ASPRV1: variants seen among roughly 807,000 people sequenced by gnomAD.
ASPRV1 encodes the protein aspartic peptidase retroviral like 1.
ASPRV1 carries 7 observed loss-of-function variants against 11.0 expected under a neutral mutation model. The ratio of observed to expected loss-of-function variants is 0.64; its 90% confidence interval spans 0.36 to 1.20. The LOEUF (loss-of-function observed/expected upper bound fraction) is 1.20, where lower values mean the gene tolerates loss of function less well. Among genes scored for constraint, ASPRV1 ranks in the 50% most tolerant of loss-of-function variants. The probability of loss-of-function intolerance (pLI) is 0.02; values close to 1 mark genes in which losing one functional copy is unlikely to be tolerated. For synonymous variants in ASPRV1, 136 were observed against 138.4 expected (o/e 0.98, Z 0.12); for missense variants, 299 against 320.0 (o/e 0.93, Z 0.50).
the ASPRV1 span, among the ~76,000 whole-genome samples, chr2:70,021,504 G>C: frequency 2.6e-4 from 39 of 151,432 alleles, no homozygotes; most frequent in Middle Eastern, 3.4e-3. Flanking sequence ...ATTTTTGGTA[G>C]AGACGGGGCT....
At chr2:70,038,417 G>C in the ASPRV1 span, among the ~76,000 whole-genome samples, 2 of 151,926 alleles carry the variant, frequency 1.3e-5, no homozygotes, top group Non-Finnish European at 2.9e-5. Flanking sequence ...GTCACTAAAA[G>C]ACAAAAAAAA....
the ASPRV1 span, chr2:69,988,648 T>C: frequency 5.0e-6 from 2 of 401,130 alleles, no homozygotes; most frequent in Middle Eastern, 1.5e-3. Flanking sequence ...TGTCACTGAA[T>C]TGTACACTCA....
the ASPRV1 span, among the ~76,000 whole-genome samples, chr2:70,039,064 A>G: frequency 1.3e-5 from 2 of 151,208 alleles, no homozygotes; most frequent in African/African-American, 2.4e-5. Context: ...GGGCAACGAA[A>G]GCAAAACTCC....
chr2:70,020,971 G>A, the ASPRV1 span, among the ~76,000 whole-genome samples: 5 of 152,128 alleles, frequency 3.3e-5, no homozygotes, highest in South Asian at 2.1e-4. Context: ...CAATACTACT[G>A]AACAGTATAC....
chr2:69,961,166 G>A lies in ASPRV1; in HGVS notation c.271C>T (p.Pro91Ser). 6.2e-7 allele frequency: 1 copy of A among 1,613,792 alleles called. No homozygotes were observed. The change falls in exon 1 of 1, where the codon CCT becomes TCT. Residue 91 changes from proline (P) to serine (S), a missense_variant. By Grantham distance (74) the Pro-to-Ser change is moderately conservative. Transcript: ENST00000320256. Reference sequence around the variant, plus strand: ...GGCAGGTGGCTGGGGGCAGCCCCAGGGACCCCAAAGGCCTTCAGGAGGGCC... The same window carrying A: ...GGCAGGTGGCTGGGGGCAGCCCCAGAGACCCCAAAGGCCTTCAGGAGGGCC... ...KEALLKAFGV[P>S]GAAPSHLPKE...
chr2:70,048,626 A>C, the ASPRV1 span: 1 of 152,386 alleles, frequency 6.6e-6, no homozygotes, highest in African/African-American at 2.4e-5. Flanking sequence ...TCTGAAAATG[A>C]AGATGGTAAG....
chr2:69,996,918 T>A, the ASPRV1 span: 1 of 311,786 alleles, frequency 3.2e-6, no homozygotes, highest in Non-Finnish European at 6.4e-6. Flanking sequence ...CCCAAAGTTA[T>A]TATTCATCTT....
chr2:70,033,315 A>G, the ASPRV1 span, among the ~76,000 whole-genome samples: 1 of 150,980 alleles, frequency 6.6e-6, no homozygotes, highest in Admixed American at 6.6e-5. Context: ...ACACACACAC[A>G]TATATGCACT....
the ASPRV1 span, among the ~76,000 whole-genome samples, chr2:69,936,226 T>C: frequency 2.6e-5 from 4 of 152,132 alleles, no homozygotes; most frequent in Non-Finnish European, 4.4e-5. Context: ...CTCCTTCCTG[T>C]GACAGGTGGT....
chr2:70,025,819 G>T, the ASPRV1 span, among the ~76,000 whole-genome samples: 1 of 152,176 alleles, frequency 6.6e-6, no homozygotes. Flanking sequence ...CATACCAAAG[G>T]CCAGGACACT....
At chr2:69,968,108 C>T in the ASPRV1 span, among the ~76,000 whole-genome samples, 1 of 151,704 alleles carries the variant, frequency 6.6e-6, no homozygotes, top group African/African-American at 2.4e-5. Context: ...AAAATAATTT[C>T]CAAATAAAGT....
the ASPRV1 span, among the ~76,000 whole-genome samples, chr2:69,932,923 G>A: frequency 6.6e-6 from 1 of 152,078 alleles, no homozygotes; most frequent in African/African-American, 2.4e-5. Flanking sequence ...CTTCTAATTG[G>A]AAAATTAGCT....
the ASPRV1 span, among the ~76,000 whole-genome samples, chr2:69,952,557 GAAAAGAAAAGAA>G: frequency 7.2e-6 from 1 of 138,794 alleles, no homozygotes; most frequent in African/African-American, 2.7e-5. Context: ...GGGAAAGGAA[GAAAAGAAAAGAA>G]AAAAGAAAAG....
the ASPRV1 span, among the ~76,000 whole-genome samples, chr2:70,079,930 G>T: frequency 2.0e-4 from 31 of 152,278 alleles, no homozygotes; most frequent in South Asian, 2.7e-3. Context: ...ATTACACAGT[G>T]AATAATGTTG....
the ASPRV1 span, among the ~76,000 whole-genome samples, chr2:70,002,083 T>C: frequency 2.0e-5 from 3 of 152,166 alleles, no homozygotes; most frequent in Admixed American, 1.3e-4. Context: ...AATATTAGCA[T>C]GATTTTTAAT....
At chr2:70,054,665 G>A in the ASPRV1 span, among the ~76,000 whole-genome samples, 1 of 152,126 alleles carries the variant, frequency 6.6e-6, no homozygotes, top group Non-Finnish European at 1.5e-5. Context: ...AGAGATGCTG[G>A]TAAAACAAAT....
the ASPRV1 span, among the ~76,000 whole-genome samples, chr2:70,018,555 T>C: frequency 6.6e-6 from 1 of 152,100 alleles, no homozygotes; most frequent in Non-Finnish European, 1.5e-5. Flanking sequence ...CAAAACAGCA[T>C]GGTACCACCA....
At chr2:69,982,284 T>A in the ASPRV1 span, among the ~76,000 whole-genome samples, 8 of 139,786 alleles carry the variant, frequency 5.7e-5, no homozygotes, top group East Asian at 1.6e-3. Context: ...AGAGACCTCA[T>A]CCCTACTAAA....
At chr2:69,970,533 G>A in the ASPRV1 span, among the ~76,000 whole-genome samples, 4 of 152,082 alleles carry the variant, frequency 2.6e-5, no homozygotes, top group Non-Finnish European at 5.9e-5. Flanking sequence ...CTGTTCTCCT[G>A]GCAAACACTG....
Sources: gnomAD v4.1 joint callset for allele counts (sites outside exome capture counted in the v4.1 genomes callset) on GRCh38, gnomAD v4.1.1 for gene constraint, MANE v1.5 for transcripts, NCBI Gene and HGNC (gene_info 2026-07-23, HGNC 2026-07-21) for gene names.